The following IQCM variants were observed in gnomAD, a reference collection of about 807,000 sequenced individuals.
The protein encoded by IQCM is IQ motif containing M.
A neutral mutation model predicts 57.6 loss-of-function variants in IQCM; 45 were observed. The ratio of observed to expected loss-of-function variants is 0.78; its 90% CI spans 0.62 to 1.00. The LOEUF is 1.00. Among genes scored for constraint, IQCM ranks in the 50% least tolerant of loss-of-function variants. IQCM has a pLI of 0.00. For missense variants in IQCM, 468 were observed against 511.6 expected (o/e 0.91, Z 0.82); for synonymous variants, 148 against 158.9 (o/e 0.93, Z 0.51).
At chr4:149,380,727 G>A (rs1176311800) in intron 13 of IQCM, among the ~76,000 whole-genome samples, 3 of 152,132 alleles carry the variant, frequency 2.0e-5, no homozygotes, top group Admixed American at 1.3e-4. Context: ...TGTGCAAAGA[G>A]AAAGAGTGCT....
At chr4:149,804,893 A>C (rs1352162633) in intron 2 of IQCM, among the ~76,000 whole-genome samples, 1 of 152,052 alleles carries the variant, frequency 6.6e-6, no homozygotes. Context: ...CATCCCTTTC[A>C]AGAATAGCAT....
intron 4 of IQCM, among the ~76,000 whole-genome samples, chr4:149,734,739 A>G (rs918097631): frequency 2.6e-5 from 4 of 152,010 alleles, no homozygotes; most frequent in Non-Finnish European, 4.4e-5. Context: ...TACCTCCTCT[A>G]TAGATGCTCT....
intron 12 of IQCM, among the ~76,000 whole-genome samples, chr4:149,476,713 AG>A (rs1391663491): frequency 6.6e-6 from 1 of 152,156 alleles, no homozygotes; most frequent in African/African-American, 2.4e-5. Context: ...TCTAAGCTCT[AG>A]GGGAAAAAAT....
At chr4:149,456,963 C>T (rs1007197270) in intron 12 of IQCM, among the ~76,000 whole-genome samples, 1 of 151,990 alleles carries the variant, frequency 6.6e-6, no homozygotes, top group African/African-American at 2.4e-5. Flanking sequence ...GCATCAATTA[C>T]CAAGATTTTA....
intron 5 of IQCM, among the ~76,000 whole-genome samples, chr4:149,718,587 A>C (rs1296547215): frequency 6.6e-6 from 1 of 152,238 alleles, no homozygotes; most frequent in Non-Finnish European, 1.5e-5. Flanking sequence ...TTATATGCCC[A>C]TTAAAACAAA....
chr4:149,651,139 C>A (rs1759137974), intron 7 of IQCM, among the ~76,000 whole-genome samples: 1 of 152,140 alleles, frequency 6.6e-6, no homozygotes, highest in African/African-American at 2.4e-5. Context: ...AAGTTAAAGA[C>A]ACCCACAGTT....
At chr4:149,694,350 A>C (rs1580021869) in intron 5 of IQCM, among the ~76,000 whole-genome samples, 1 of 145,376 alleles carries the variant, frequency 6.9e-6, no homozygotes, top group Non-Finnish European at 1.5e-5. Flanking sequence ...TCAGCCTCCC[A>C]AGTAGCTGGG....
chr4:149,719,210 G>A (rs1765238760), intron 5 of IQCM, among the ~76,000 whole-genome samples: 1 of 152,020 alleles, frequency 6.6e-6, no homozygotes, highest in South Asian at 2.1e-4. Context: ...TGGGTGTGGT[G>A]GCACATGCCT....
intron 12 of IQCM, among the ~76,000 whole-genome samples, chr4:149,470,453 G>A (rs1364169576): frequency 6.6e-6 from 1 of 152,056 alleles, no homozygotes; most frequent in Non-Finnish European, 1.5e-5. Context: ...CCTAATACAG[G>A]AGCACCCAGA....
intron 12 of IQCM, among the ~76,000 whole-genome samples, chr4:149,477,077 A>G (rs1289924921): frequency 6.6e-6 from 1 of 152,136 alleles, no homozygotes; most frequent in Non-Finnish European, 1.5e-5. Flanking sequence ...ATCACACCCC[A>G]AAGATAAGAA....
intron 13 of IQCM, among the ~76,000 whole-genome samples, chr4:149,404,249 G>A (rs17026194): frequency 0.02 from 2,997 of 152,062 alleles, 81 homozygotes; most frequent in African/African-American, 0.063. Flanking sequence ...CAGCTGCCAC[G>A]CCTTTATCAG....
intron 7 of IQCM, 38 bp from the exon 8 acceptor site, chr4:149,621,282 TC>T: frequency 9.9e-7 from 1 of 1,005,184 alleles, no homozygotes; most frequent in Non-Finnish European, 1.3e-6. Context: ...ACAATATCTA[TC>T]CAGGAAAAGT....
intron 12 of IQCM, among the ~76,000 whole-genome samples, chr4:149,495,437 T>C (rs1742557231): frequency 6.6e-6 from 1 of 152,106 alleles, no homozygotes. Flanking sequence ...ACTGAGCAGA[T>C]AAATGTTTGA....
chr4:149,553,999 C>T (rs1390903262), intron 10 of IQCM, among the ~76,000 whole-genome samples: 1 of 152,056 alleles, frequency 6.6e-6, no homozygotes, highest in East Asian at 1.9e-4. Context: ...TTTACATTTT[C>T]TGGCTTATTA....
At chr4:149,777,006 T>A (rs1450198306) in intron 2 of IQCM, among the ~76,000 whole-genome samples, 1 of 152,196 alleles carries the variant, frequency 6.6e-6, no homozygotes, top group African/African-American at 2.4e-5. Context: ...TGTATAGATC[T>A]CTGCTCCAGT....
At chr4:149,366,221 A>T (rs1485679468) in intron 13 of IQCM, among the ~76,000 whole-genome samples, 1 of 152,116 alleles carries the variant, frequency 6.6e-6, no homozygotes, top group African/African-American at 2.4e-5. Context: ...TAGCTCTAAT[A>T]AAAGAGTACC....
chr4:149,636,772 G>A (rs529501715), intron 7 of IQCM, among the ~76,000 whole-genome samples: 1 of 152,324 alleles, frequency 6.6e-6, no homozygotes, highest in African/African-American at 2.4e-5. Flanking sequence ...AGGGAGTAAA[G>A]CTGTTTTTAT....
chr4:149,454,939 G>A (rs954800857), intron 12 of IQCM, among the ~76,000 whole-genome samples: 1 of 151,966 alleles, frequency 6.6e-6, no homozygotes, highest in Non-Finnish European at 1.5e-5. Flanking sequence ...CTAACATTAG[G>A]TTATGGTGAT....
chr4:149,717,996 G>A (rs1008022434), intron 5 of IQCM, among the ~76,000 whole-genome samples: 1 of 152,176 alleles, frequency 6.6e-6, no homozygotes, highest in Non-Finnish European at 1.5e-5. Flanking sequence ...TATCCATGGG[G>A]AGTATATTTA....
Sources: allele counts gnomAD v4.1 joint callset (sites outside exome capture counted in the v4.1 genomes callset), GRCh38; gene constraint gnomAD v4.1.1; transcripts MANE v1.5; gene names NCBI Gene and HGNC (gene_info 2026-07-23, HGNC 2026-07-21).